CCDC91: variants seen among roughly 807,000 people sequenced by gnomAD.
The protein encoded by CCDC91 is coiled-coil domain-containing protein 91.
CCDC91 carries 48 observed loss-of-function variants against 63.2 expected under a neutral mutation model. The observed-to-expected ratio is 0.76, with a 90% CI of 0.60 to 0.97. The LOEUF is 0.97. Among genes scored for constraint, CCDC91 ranks in the 50% least tolerant of loss-of-function variants. The pLI is 0.00. For missense variants in CCDC91, 500 were observed against 494.6 expected (o/e 1.01, Z -0.10); for synonymous variants, 167 against 165.8 (o/e 1.01, Z -0.06).
Position 28,200,992 on chromosome 12 carries a change from G to A in CCDC91, c.-15+10351G>A, listed in dbSNP as rs1319407951. Among the ~76,000 whole-genome samples, 59 of 133,122 alleles carry A rather than the reference G, an allele frequency of 4.4e-4. 3 individuals are homozygous for A. The highest frequency in any genetic ancestry group is 1.7e-3 in the African/African-American group (55 of 32,074). The allele number at this position is 133,122 out of a possible 152,430, so 87.3% of individuals were successfully genotyped here. Reference sequence around the variant, plus strand: ...TCCCTCCCGGACGGGGCGGCTGGCCGGGCGGGGGGCTGACCCCCCCACCTC... The same window carrying A: ...TCCCTCCCGGACGGGGCGGCTGGCCAGGCGGGGGGCTGACCCCCCCACCTC... On this transcript the variant is annotated intron_variant, in intron 1 of 12. Transcript: ENST00000536442.
At chr12:28,258,022 A>G (rs1381656414) in intron 2 of CCDC91, among the ~76,000 whole-genome samples, 2 of 151,788 alleles carry the variant, frequency 1.3e-5, no homozygotes, top group African/African-American at 4.8e-5. Context: ...TGACCTTAAT[A>G]GGATGAATAA....
At position 28,305,704 on chromosome 12, in the gene CCDC91, C is replaced by T. The variant is rs748813178; in HGVS notation, c.165C>T (p.His55=). The change falls in exon 4 of 13, where the codon CAC becomes CAT. Residue 55 remains histidine (H), a synonymous_variant. Coordinates refer to ENST00000536442, the MANE Select transcript of CCDC91 (RefSeq NM_018318.5). ...CTGAGATTGTACTGGACCGTGACCA[C>T]TCTTCTTCCATTGGCTGCCTCTCTT... The part of the protein sequence containing the change: ...SSPEIVLDRD[H]SSSIGCLSSD... 3 of 1,613,438 alleles carry T rather than the reference C, an allele frequency of 1.9e-6. No individual in the cohort carries two copies. In the South Asian group the frequency reaches 3.3e-5, roughly 18 times the overall value.
chr12:28,411,886 A>G (rs1592594990), intron 8 of CCDC91, among the ~76,000 whole-genome samples: 1 of 152,204 alleles, frequency 6.6e-6, no homozygotes. Flanking sequence ...GAGGTATTTC[A>G]GAAGAAGGCA....
chr12:28,259,115 A>G (rs923267481), intron 2 of CCDC91, among the ~76,000 whole-genome samples: 1 of 152,064 alleles, frequency 6.6e-6, no homozygotes, highest in African/African-American at 2.4e-5. Context: ...AAATAAAAAT[A>G]TTGACTAACA....
chr12:28,446,117 A>G (rs1949486726), intron 8 of CCDC91, among the ~76,000 whole-genome samples: 1 of 152,166 alleles, frequency 6.6e-6, no homozygotes, highest in Non-Finnish European at 1.5e-5. Context: ...TGAGGTCTCC[A>G]CTATGCCTCT....
At chr12:28,294,671 A>C (rs915007856) in intron 3 of CCDC91, among the ~76,000 whole-genome samples, 2 of 151,230 alleles carry the variant, frequency 1.3e-5, no homozygotes, top group African/African-American at 4.9e-5. Flanking sequence ...TGCAACCTCT[A>C]CCTCCTGGGT....
intron 3 of CCDC91, among the ~76,000 whole-genome samples, chr12:28,276,221 A>G (rs1241578306): frequency 6.6e-6 from 1 of 151,976 alleles, no homozygotes; most frequent in Non-Finnish European, 1.5e-5. Context: ...TTGTGTGTGT[A>G]TATTTAATCA....
At chr12:28,290,687 A>G (rs890220787) in intron 3 of CCDC91, among the ~76,000 whole-genome samples, 7 of 152,082 alleles carry the variant, frequency 4.6e-5, no homozygotes, top group Non-Finnish European at 8.8e-5. Context: ...ATTGTTTTTT[A>G]TATTTTGTTC....
intron 1 of CCDC91, among the ~76,000 whole-genome samples, chr12:28,202,003 C>T (rs1427437695): frequency 6.6e-6 from 1 of 151,928 alleles, no homozygotes. Flanking sequence ...GGCTCGGCAT[C>T]GGGAGAGGGA....
rs774693971 is a variant in CCDC91, at chr12:28,306,935, G to T, written c.461G>T (p.Arg154Ile). 4 of 1,590,620 alleles carry T rather than the reference G, an allele frequency of 2.5e-6. No homozygotes were observed. Among genetic ancestry groups the T allele is most frequent in the East Asian group, 2.2e-5 (1 of 44,610 alleles). ...AAAGTATCTGAAGAAGAAAAACAGA[G>T]AATTAAACAGGTATATTTACATTTG... ...KLKVSEEEKQ[R>I]IKQDVESLME... The change falls in exon 5 of 13, where the codon AGA becomes ATA. Residue 154 changes from arginine to isoleucine, a missense_variant. By Grantham distance (97) the Arg-to-Ile change is moderately conservative. Transcript: ENST00000536442.
At chr12:28,380,998 C>T (rs531959319) in intron 7 of CCDC91, among the ~76,000 whole-genome samples, 14 of 152,144 alleles carry the variant, frequency 9.2e-5, no homozygotes, top group African/African-American at 3.1e-4. Flanking sequence ...GGGAGATAAA[C>T]TGATGAAATT....
rs1256963653 is a variant in CCDC91, at chr12:28,229,556, C to T, written c.-14-27646C>T. Among the ~76,000 whole-genome samples the T allele has an allele frequency of 3.9e-5, 6 of 152,244 alleles. No individual in the cohort carries two copies. In the East Asian group the frequency reaches 7.7e-4, roughly 20 times the overall value. ...ATCAGGAGGAAGAGCATTCCAGGGA[C>T]TGGCTAAGGCAAGATTTCTAAAATG... On this transcript the variant is annotated intron_variant, in intron 1 of 12. Coordinates refer to ENST00000536442, the MANE Select transcript of CCDC91 (RefSeq NM_018318.5).
chr12:28,225,094 G>T (rs1489799063), intron 1 of CCDC91, among the ~76,000 whole-genome samples: 2 of 152,138 alleles, frequency 1.3e-5, no homozygotes, highest in Non-Finnish European at 2.9e-5. Context: ...CCACTACCTT[G>T]GGATCTCTTC....
intron 12 of CCDC91, among the ~76,000 whole-genome samples, chr12:28,532,712 A>G (rs1307204794): frequency 6.6e-6 from 1 of 152,122 alleles, no homozygotes; most frequent in African/African-American, 2.4e-5. Flanking sequence ...TTTTATAACT[A>G]GGAAGCTTAT....
chr12:28,386,327 G>A lies in CCDC91; in HGVS notation c.655-4977G>A, dbSNP rs555182769. ...AGCTGTTCATGAAGTTATAGTTCCC[G>A]TATTAAGAGACCTACAAATTTTTTA... On this transcript the variant is annotated intron_variant, in intron 7 of 12. Coordinates refer to ENST00000536442, the MANE Select transcript of CCDC91 (RefSeq NM_018318.5). Among the ~76,000 whole-genome samples the A allele has an allele frequency of 5.9e-5, 9 of 152,204 alleles. No homozygotes were observed. The South Asian group carries it at 8.3e-4, about 14-fold the overall frequency.
At chr12:28,239,162 TGTA>T (rs1565655436) in intron 1 of CCDC91, among the ~76,000 whole-genome samples, 1 of 151,404 alleles carries the variant, frequency 6.6e-6, no homozygotes, top group South Asian at 2.1e-4. Flanking sequence ...AATTAAAAAA[TGTA>T]GTGATAACAC....
chr12:28,486,383 A>C (rs1279068628), intron 12 of CCDC91, among the ~76,000 whole-genome samples: 1 of 152,096 alleles, frequency 6.6e-6, no homozygotes, highest in Non-Finnish European at 1.5e-5. Flanking sequence ...TCCTCTGTCA[A>C]TGGATATTTA....
rs138321740 is a variant in CCDC91, at chr12:28,540,806, T to C, written c.1216-8257T>C. The stretch of plus-strand genomic sequence containing the variant: ...CTTGAGTGCTCTCTCACTCTCATGG[T>C]GCACTCTTGCTTTCTTTCATATTCT... On this transcript the variant is annotated intron_variant, in intron 12 of 12. Coordinates refer to ENST00000536442, the MANE Select transcript of CCDC91 (RefSeq NM_018318.5). 4.6e-5 allele frequency among the ~76,000 whole-genome samples: 7 copies of C among 152,268 alleles called. 1 individual carries two copies. Among genetic ancestry groups the C allele is most frequent in the African/African-American group, 1.7e-4 (7 of 41,578 alleles).
At chr12:28,513,581 A>ATTGG (rs1939610557) in intron 12 of CCDC91, among the ~76,000 whole-genome samples, 6 of 152,036 alleles carry the variant, frequency 3.9e-5, no homozygotes, top group Admixed American at 3.9e-4. Flanking sequence ...TCTGGTCCCA[A>ATTGG]GAGGGATACT....
Sources: gnomAD v4.1 joint callset for allele counts (sites outside exome capture counted in the v4.1 genomes callset) on GRCh38, gnomAD v4.1.1 for gene constraint, MANE v1.5 for transcripts, NCBI Gene and HGNC (gene_info 2026-07-23, HGNC 2026-07-21) for gene names.